The following SLC45A1 variants were observed in gnomAD, a reference collection of about 807,000 sequenced individuals.
The protein encoded by SLC45A1 is proton-associated sugar transporter A.
A neutral mutation model predicts 57.6 loss-of-function variants in SLC45A1; 28 were observed. The ratio of observed to expected loss-of-function variants is 0.49; its 90% CI spans 0.36 to 0.67. The LOEUF is 0.67. SLC45A1 is among the 30% of genes least tolerant of loss of function. The pLI is 0.00. For missense variants in SLC45A1, 814 were observed against 1,041.5 expected, an observed-to-expected ratio of 0.78 and a Z score of 3.01; for synonymous variants, 459 against 471.5, an observed-to-expected ratio of 0.97 and a Z score of 0.34.
At chr1:8,323,886 G>A in intron 1 of SLC45A1, among the ~76,000 whole-genome samples, 1 of 152,208 alleles carries the variant, frequency 6.6e-6, no homozygotes, top group East Asian at 1.9e-4. Flanking sequence ...ACCATGCCCA[G>A]TCTCTCTTCC....
At chr1:8,332,560 G>A (rs1640449146) in intron 5 of SLC45A1, among the ~76,000 whole-genome samples, 1 of 148,942 alleles carries the variant, frequency 6.7e-6, no homozygotes, top group South Asian at 2.1e-4. Context: ...TGCCCAGGCT[G>A]GAGTGCAGTG....
Position 8,343,199 on chromosome 1 carries a change from G to A in SLC45A1, c.1981-548G>A, listed in dbSNP as rs1172925723. On this transcript the variant is annotated intron_variant, in intron 8 of 8. Transcript: ENST00000471889. The surrounding 1 kb of genome is among the most constrained non-coding windows in gnomAD (Gnocchi z 7.7). The stretch of plus-strand genomic sequence containing the variant: ...CCCAGTGAGGGAAAGCCATGCCACC[G>A]CTCCCCACCGTCACTCTGCACAGAC... Among the ~76,000 whole-genome samples, 1 of 152,216 alleles carries A rather than the reference G, an allele frequency of 6.6e-6. No homozygotes were observed. The highest frequency in any genetic ancestry group is 1.5e-5 in the Non-Finnish European group (1 of 68,016).
At chr1:8,318,307 C>T (rs1639886983) in intron 1 of SLC45A1, 121 bp downstream of exon 1, 2 of 396,624 alleles carry the variant, frequency 5.0e-6, no homozygotes, top group East Asian at 3.6e-5. Flanking sequence ...GGCACGGAGA[C>T]CTTTGTTCCT....
chr1:8,324,774 A>T (rs767247073), intron 2 of SLC45A1, 48 bp downstream of exon 2: 14 of 1,501,740 alleles, frequency 9.3e-6, no homozygotes, highest in Non-Finnish European at 1.2e-5. Context: ...GGAAGCCTCC[A>T]GAAGCCTCAT....
At chr1:8,318,300 A>C in intron 1 of SLC45A1, 114 bp downstream of exon 1, 1 of 398,910 alleles carries the variant, frequency 2.5e-6, no homozygotes. Context: ...CGAGGCCGGC[A>C]CGGAGACCTT....
rs574251756 is a variant in SLC45A1 at position 8,337,482 on chromosome 1, G to A, written c.1598-334G>A. 2.3e-3 allele frequency among the ~76,000 whole-genome samples: 343 copies of A among 152,258 alleles called. 2 individuals are homozygous for A. Among genetic ancestry groups the A allele is most frequent in the African/African-American group, 7.8e-3 (322 of 41,546 alleles). ...CGCCCGGGCTGGAGGGCAGTGGCGC[G>A]ATCTCAGCTCACTGCAAGCTCCACC... On this transcript the variant is annotated intron_variant, in intron 6 of 8. Transcript: ENST00000471889.
At chr1:8,336,380 A>T (rs190496534) in intron 6 of SLC45A1, among the ~76,000 whole-genome samples, 1 of 151,366 alleles carries the variant, frequency 6.6e-6, no homozygotes, top group Admixed American at 6.6e-5. Context: ...ACTGCATTCC[A>T]GCGTGGGTGA....
chr1:8,324,680 G>T lies in SLC45A1; in HGVS notation c.351G>T (p.Leu117=), dbSNP rs765209551. The T allele has an allele frequency of 3.1e-5, 49 of 1,594,442 alleles. No individual in the cohort carries two copies. Among genetic ancestry groups the T allele is most frequent in the Admixed American group, 6.9e-5 (4 of 57,936 alleles). The part of the protein sequence containing the change: ...YVTPVLLQMG[L]PDQLYSLVWF... ...CCCCGGTGCTCCTGCAGATGGGCCT[G>T]CCCGACCAGCTCTACAGCCTGGTGT... is the stretch of plus-strand genomic sequence containing the variant. Residue 117 remains leucine, a synonymous_variant, in exon 2 of 9, where the codon CTG becomes CTT. Coordinates refer to ENST00000471889, the MANE Select transcript of SLC45A1 (RefSeq NM_001080397.3).
At chr1:8,332,472 T>C (rs1478963007) in intron 5 of SLC45A1, among the ~76,000 whole-genome samples, 1 of 152,046 alleles carries the variant, frequency 6.6e-6, no homozygotes, top group Admixed American at 6.5e-5. Context: ...TCAGATGGGC[T>C]GCAAGGCCAC....
At position 8,330,932 on chromosome 1, in the gene SLC45A1, A is replaced by C; in HGVS notation, c.1439A>C (p.Gln480Pro). 6.3e-7 allele frequency: 1 copy of C among 1,581,700 alleles called. No individual in the cohort carries two copies. Among genetic ancestry groups the C allele is most frequent in the South Asian group, 1.1e-5 (1 of 89,020 alleles). The change falls in exon 5 of 9, where the codon CAG (glutamine) becomes CCG (proline). Residue 480 changes from glutamine to proline, a missense_variant. Physicochemically the swap from Gln to Pro is moderately conservative, Grantham distance 76 (BLOSUM62 -1). Coordinates refer to ENST00000471889, the MANE Select transcript of SLC45A1 (RefSeq NM_001080397.3). The surrounding 1 kb of genome is among the most constrained non-coding windows in gnomAD (Gnocchi z 8.4). The stretch of plus-strand genomic sequence containing the variant: ...AGGAGAAGGAATGTGACCTTCAGTC[A>C]GCAGGTAACAGCAAATGTCGGGGGA... ...TSRRRNVTFS[Q>P]QVANILLNGV...
At chr1:8,332,481 A>G (rs1208193594) in intron 5 of SLC45A1, among the ~76,000 whole-genome samples, 4 of 151,338 alleles carry the variant, frequency 2.6e-5, no homozygotes, top group African/African-American at 9.7e-5. Flanking sequence ...CTGCAAGGCC[A>G]CCAACTGATC....
At position 8,328,257 on chromosome 1, in the gene SLC45A1, C is replaced by T. The variant is rs1322285555; in HGVS notation, c.716-1952C>T. The T allele has an allele frequency of 1.3e-5, 2 of 152,066 alleles. No homozygotes were observed. The highest frequency in any genetic ancestry group is 4.8e-5 in the African/African-American group (2 of 41,400). The allele number at this position is 152,066 out of a possible 1,614,324, so 9.4% of individuals were successfully genotyped here. ...AGACATTAGGCCTTCATTACAGGAC[C>T]CGAATGAAGAGGCTGGGTCACCCAG... On this transcript the variant is annotated intron_variant, in intron 4 of 8. Transcript: ENST00000471889. The surrounding 1 kb of genome is among the most constrained non-coding windows in gnomAD (Gnocchi z 4.6).
At chr1:8,329,356 G>C (rs970690144) in intron 4 of SLC45A1, among the ~76,000 whole-genome samples, 1 of 152,164 alleles carries the variant, frequency 6.6e-6, no homozygotes, top group Non-Finnish European at 1.5e-5. Flanking sequence ...ACACTAGACC[G>C]ACTCAAAATG....
In SLC45A1 at chr1:8,326,030, GC is replaced by G; in HGVS notation, c.706del (p.Leu236SerfsTer42). 6.2e-7 allele frequency: 1 copy of G among 1,602,746 alleles called. No individual in the cohort carries two copies. The highest frequency in any genetic ancestry group is 8.5e-7 in the Non-Finnish European group (1 of 1,179,848). ...CCAGGACCGAGGCCTGAACATCCAC[GC>G]CCTCCTGGCAGGTGAGTCTCCGCAG... ...ADQDRGLNIH[A>X]LLAGLGGGFG... On this transcript the variant is annotated frameshift_variant, in exon 4 of 9. Transcript: ENST00000471889. LOFTEE classifies it high-confidence loss of function. The surrounding 1 kb of genome is among the most constrained non-coding windows in gnomAD (Gnocchi z 5.5).
intron 5 of SLC45A1, 135 bp downstream of exon 5, chr1:8,331,071 G>GGTCAAAGC: frequency 1.7e-6 from 2 of 1,185,864 alleles, no homozygotes; most frequent in Non-Finnish European, 2.3e-6. Context: ...CAAGTGCTTT[G>GGTCAAAGC]ACCTAAAGAG....
intron 5 of SLC45A1, among the ~76,000 whole-genome samples, chr1:8,331,666 A>C (rs982309305): frequency 2.0e-5 from 3 of 152,140 alleles, no homozygotes; most frequent in African/African-American, 7.2e-5. Context: ...AAGCCTCAGA[A>C]ACGTGACGTC....
Position 8,330,682 on chromosome 1 carries a change from A to T in SLC45A1, c.1189A>T (p.Arg397Trp). ...SYLAIPGSVPRPPISVSFPRA... is the reference protein window; with the variant it reads ...SYLAIPGSVPWPPISVSFPRA... ...CCTGGCCATCCCTGGCAGCGTCCCC[A>T]GGCCGCCCATCAGCGTCAGCTTCCC... is the stretch of plus-strand genomic sequence containing the variant. Residue 397 changes from arginine to tryptophan, a missense_variant, in exon 5 of 9, where the codon AGG becomes TGG. Coordinates refer to ENST00000471889, the MANE Select transcript of SLC45A1 (RefSeq NM_001080397.3). The surrounding 1 kb of genome is among the most constrained non-coding windows in gnomAD (Gnocchi z 8.4). 6.2e-7 allele frequency: 1 copy of T among 1,613,194 alleles called. No individual in the cohort carries two copies. The highest frequency in any genetic ancestry group is 8.5e-7 in the Non-Finnish European group (1 of 1,179,984).
chr1:8,340,217 T>C (rs3994820), intron 8 of SLC45A1, among the ~76,000 whole-genome samples: 150,215 of 150,606 alleles, frequency 1, 74,915 homozygotes, highest in Middle Eastern at 1. Context: ...TGCTGGAGTG[T>C]AGTGGTGCGA....
chr1:8,334,951 GC>G (rs1640558831), intron 5 of SLC45A1, among the ~76,000 whole-genome samples: 1 of 152,144 alleles, frequency 6.6e-6, no homozygotes, highest in East Asian at 1.9e-4. Flanking sequence ...GGGCTGAGGT[GC>G]TCATGTGGGC....
Sources: gnomAD v4.1 joint callset for allele counts (sites outside exome capture counted in the v4.1 genomes callset) on GRCh38, gnomAD v4.1.1 for gene constraint, Gnocchi (gnomAD v3.1) non-coding constraint, MANE v1.5 for transcripts, NCBI Gene and HGNC (gene_info 2026-07-23, HGNC 2026-07-21) for gene names.